Variants in LCT observed in about 807,000 individuals in gnomAD.
LCT encodes the protein lactase.
Under a neutral mutation model 173.0 loss-of-function variants are expected in LCT, and 90 were observed. That is an observed-to-expected ratio of 0.52 (90% CI 0.44 to 0.62). The LOEUF (loss-of-function observed/expected upper bound fraction) is 0.62. LCT is among the 20% of genes least tolerant of loss of function. The pLI is 0.00. For missense variants in LCT, 1,864 were observed against 2,431.4 expected, an observed-to-expected ratio of 0.77 and a Z score of 4.91; for synonymous variants, 853 against 957.6, an observed-to-expected ratio of 0.89 and a Z score of 2.02.
In LCT at chr2:135,817,496, C is replaced by T. The variant is rs2077789711; in HGVS notation, c.1552G>A (p.Ala518Thr). Reference protein sequence around the residue: ...GGWQNESVVDAFLDYAAFCFS... With the variant: ...GGWQNESVVDTFLDYAAFCFS... ...CAGAAGGCCGCATAGTCCAGGAAGGCATCCACCACGCTCTCATTCTGCCAT... is the reference window on the plus strand; with the variant it reads ...CAGAAGGCCGCATAGTCCAGGAAGGTATCCACCACGCTCTCATTCTGCCAT... Residue 518 changes from alanine to threonine, a missense_variant, in exon 6 of 17, where the codon GCC becomes ACC. By Grantham distance (58) the Ala-to-Thr change is moderately conservative (BLOSUM62 0). Transcript: ENST00000264162. The T allele has an allele frequency of 6.2e-7, 1 of 1,614,220 alleles. No individual in the cohort carries two copies.
chr2:135,794,581 C>A (rs2077563052), intron 14 of LCT, 60 bp downstream of exon 14: 3 of 1,586,614 alleles, frequency 1.9e-6, no homozygotes, highest in Admixed American at 1.7e-5. Flanking sequence ...GAGAGCACAG[C>A]CAAGGGCACC....
chr2:135,790,529 C>T lies in LCT; in HGVS notation c.5335+129G>A. The T allele has an allele frequency of 1.5e-6, 1 of 667,892 alleles. No individual in the cohort carries two copies. Among genetic ancestry groups the T allele is most frequent in the Non-Finnish European group, 2.7e-6 (1 of 377,242 alleles). The allele number at this position is 667,892 out of a possible 1,614,324, so 41.4% of individuals were successfully genotyped here. A position where few individuals can be genotyped will look rare whatever the true frequency, so the allele number is the denominator to read the frequency against. On this transcript the variant is annotated intron_variant, in intron 15 of 16. Coordinates refer to ENST00000264162, the MANE Select transcript of LCT (RefSeq NM_002299.4). The surrounding 1 kb of genome is among the most constrained non-coding windows in gnomAD (Gnocchi z 4.1). ...TGCGGCCCTAAAGCAAAGCTTAACC[C>T]CCACAGGAGCAAGAAGGCTTATCGT...
rs2077519404 is a variant in LCT, at chr2:135,789,728, T to C, written c.5406A>G (p.Thr1802=). Residue 1802 remains threonine (T), a synonymous_variant, in exon 16 of 17, where the codon ACA becomes ACG. Coordinates refer to ENST00000264162, the MANE Select transcript of LCT (RefSeq NM_002299.4). ...GCAGACCAAATCTCTCTGAAAAGCC[T>C]GTGGCCCACTCAAAATTGTCCATCG... The part of the protein sequence containing the change: ...WSAMDNFEWA[T]GFSERFGLHF... 3 of 1,614,096 alleles carry C rather than the reference T, an allele frequency of 1.9e-6. No individual in the cohort carries two copies. In the Admixed American group the frequency reaches 5.0e-5, roughly 27 times the overall value.
chr2:135,835,976 GTATATATATATATATATATATATA>G (rs745860913), intron 1 of LCT, among the ~76,000 whole-genome samples: 2 of 80,480 alleles, frequency 2.5e-5, no homozygotes, highest in African/African-American at 1.3e-4. Context: ...ATACATGTGT[GTATATATATATATATATATATATA>G]TATATATATA....
At chr2:135,794,903 C>T in intron 13 of LCT, 128 bp from the exon 14 acceptor site, 1 of 1,063,040 alleles carries the variant, frequency 9.4e-7, no homozygotes, top group Non-Finnish European at 1.4e-6. Flanking sequence ...GGGAAACTGG[C>T]AGGGAAGGAG....
intron 7 of LCT, among the ~76,000 whole-genome samples, chr2:135,811,216 A>C (rs1252945831): frequency 6.6e-6 from 1 of 152,016 alleles, no homozygotes; most frequent in African/African-American, 2.4e-5. Context: ...AATTAAAATA[A>C]ATAAATAAAT....
intron 15 of LCT, 140 bp from the exon 16 acceptor site, chr2:135,789,938 G>A: frequency 1.4e-6 from 1 of 738,316 alleles, no homozygotes; most frequent in South Asian, 1.5e-5. Flanking sequence ...AGCTCTGTGA[G>A]AAAGCTGCCC....
At chr2:135,828,753 G>A (rs1020712489) in intron 3 of LCT, among the ~76,000 whole-genome samples, 4 of 152,234 alleles carry the variant, frequency 2.6e-5, no homozygotes, top group South Asian at 4.2e-4. Context: ...TAATGAGCCC[G>A]CATCATTAGA....
At chr2:135,797,262 T>G (rs2077589426) in intron 13 of LCT, among the ~76,000 whole-genome samples, 1 of 152,188 alleles carries the variant, frequency 6.6e-6, no homozygotes, top group Non-Finnish European at 1.5e-5. Context: ...AGCTGGATTT[T>G]TAATCCTCAG....
Position 135,805,026 on chromosome 2 carries a change from C to T in LCT, c.4205G>A (p.Gly1402Glu). ...AGAAAACGTGTCCCAAATGCTGAGT[C>T]CTTTGCCATCTGCTCTCCACGCACC... ...IEGAWRADGK[G>E]LSIWDTFSHT... Residue 1402 changes from glycine to glutamate, a missense_variant, in exon 10 of 17, where the codon GGA becomes GAA. Coordinates refer to ENST00000264162, the MANE Select transcript of LCT (RefSeq NM_002299.4). 1.9e-6 allele frequency: 3 copies of T among 1,614,166 alleles called. No individual in the cohort carries two copies. Among genetic ancestry groups the T allele is most frequent in the Non-Finnish European group, 2.5e-6 (3 of 1,180,020 alleles).
At chr2:135,829,005 A>G (rs2077910150) in intron 3 of LCT, among the ~76,000 whole-genome samples, 1 of 152,184 alleles carries the variant, frequency 6.6e-6, no homozygotes, top group African/African-American at 2.4e-5. Flanking sequence ...AACGTGACCA[A>G]CATGGTGAAT....
At chr2:135,835,606 A>G (rs1446072813) in intron 1 of LCT, among the ~76,000 whole-genome samples, 1 of 148,532 alleles carries the variant, frequency 6.7e-6, no homozygotes, top group East Asian at 2.0e-4. Flanking sequence ...TCCAAAATTG[A>G]TTCTCAAAAT....
intron 3 of LCT, among the ~76,000 whole-genome samples, chr2:135,827,163 G>A (rs1161428079): frequency 6.6e-6 from 1 of 152,136 alleles, no homozygotes; most frequent in Non-Finnish European, 1.5e-5. Context: ...ATTTTTAGTA[G>A]AGACGGGGTT....
chr2:135,807,248 G>A lies in LCT; in HGVS notation c.4053C>T (p.Ser1351=), dbSNP rs139528746. 299 of 1,614,216 alleles carry A rather than the reference G, an allele frequency of 1.9e-4. No individual in the cohort carries two copies. Among genetic ancestry groups the A allele is most frequent in the Non-Finnish European group, 2.2e-4 (258 of 1,180,024 alleles). Residue 1351 remains serine, a synonymous_variant, in exon 9 of 17, where the codon TCC becomes TCT. Coordinates refer to ENST00000264162, the MANE Select transcript of LCT (RefSeq NM_002299.4). ...NTNRPRTARA[S]ARYYTEVITN... is the part of the protein sequence containing the mutation. The stretch of plus-strand genomic sequence containing the variant: ...TAATGACCTCTGTGTAGTACCTGGC[G>A]GAGGCTCTTGCTGTGCGAGGCCTGT...
intron 1 of LCT, among the ~76,000 whole-genome samples, chr2:135,834,746 C>G (rs1211082259): frequency 3.1e-5 from 4 of 127,736 alleles, no homozygotes; most frequent in Admixed American, 1.9e-4. Flanking sequence ...CGAGATCACA[C>G]CACTGCACTC....
chr2:135,788,030 G>C lies in LCT; in HGVS notation c.*294C>G, dbSNP rs2077505340. The C allele has an allele frequency of 2.3e-6, 1 of 430,150 alleles. No individual in the cohort carries two copies. Among genetic ancestry groups the C allele is most frequent in the Non-Finnish European group, 4.3e-6 (1 of 231,364 alleles). 26.6% of individuals were successfully genotyped at this position (430,150 alleles called of 1,614,324 possible). On this transcript the variant is annotated 3_prime_UTR_variant, in exon 17 of 17. Coordinates refer to ENST00000264162, the MANE Select transcript of LCT (RefSeq NM_002299.4). ...CAACTCTGAAACTTAAAACAGCCCTGTTAAGTTCAATTAAGTGGTTCACAG... is the reference window on the plus strand; with the variant it reads ...CAACTCTGAAACTTAAAACAGCCCTCTTAAGTTCAATTAAGTGGTTCACAG...
Position 135,808,484 on chromosome 2 carries a change from C to T in LCT, c.3863G>A (p.Arg1288Lys). Residue 1288 changes from arginine to lysine, a missense_variant, in exon 8 of 17, where the codon AGG (arginine) becomes AAG (lysine). By Grantham distance (26) the Arg-to-Lys change is conservative. Transcript: ENST00000264162. ...GATGTAGGTTTTGTGGTAAAATATCCTATCAGTATCCTCCGTGTTCGGATT... is the reference window on the plus strand; with the variant it reads ...GATGTAGGTTTTGTGGTAAAATATCTTATCAGTATCCTCCGTGTTCGGATT... ...LTNPNTEDTD[R>K]IFYHKTYINE... 1.2e-6 allele frequency: 2 copies of T among 1,614,168 alleles called. No individual in the cohort carries two copies. Among genetic ancestry groups the T allele is most frequent in the Non-Finnish European group, 1.7e-6 (2 of 1,180,002 alleles).
At chr2:135,832,714 G>A (rs1222480396) in intron 2 of LCT, among the ~76,000 whole-genome samples, 1 of 151,904 alleles carries the variant, frequency 6.6e-6, no homozygotes, top group Non-Finnish European at 1.5e-5. Context: ...CAAACTCCTG[G>A]CTCAAACAAC....
At chr2:135,797,277 A>T (rs917442247) in intron 13 of LCT, among the ~76,000 whole-genome samples, 1 of 152,042 alleles carries the variant, frequency 6.6e-6, no homozygotes, top group African/African-American at 2.4e-5. Flanking sequence ...CCTCAGCTGG[A>T]CTATATGGGG....
Sources: allele counts gnomAD v4.1 joint callset (sites outside exome capture counted in the v4.1 genomes callset), GRCh38; gene constraint gnomAD v4.1.1; non-coding constraint Gnocchi (gnomAD v3.1); transcripts MANE v1.5; gene names NCBI Gene and HGNC (gene_info 2026-07-23, HGNC 2026-07-21).